The following BMPR1B variants were observed in gnomAD, a reference collection of about 807,000 sequenced individuals.
BMPR1B encodes the protein bone morphogenetic protein receptor type 1B, also known as bone morphogenetic protein receptor type-1B.
Under a neutral mutation model 59.1 loss-of-function variants are expected in BMPR1B, and 12 were observed. The ratio of observed to expected loss-of-function variants is 0.20; its 90% confidence interval spans 0.13 to 0.33. The LOEUF (loss-of-function observed/expected upper bound fraction) is 0.33, where lower values mean the gene tolerates loss of function less well. BMPR1B is among the 10% of genes least tolerant of loss of function. The pLI is 1.00. For missense variants in BMPR1B, 550 were observed against 610.9 expected (o/e 0.90, Z 1.05); for synonymous variants, 237 against 207.3 (o/e 1.14, Z -1.23).
At chr4:94,982,314 C>A (rs1336916915) in intron 2 of BMPR1B, among the ~76,000 whole-genome samples, 2 of 149,710 alleles carry the variant, frequency 1.3e-5, no homozygotes, top group Admixed American at 6.7e-5. Context: ...TAAAAAAAAA[C>A]AAAACAAACA....
At chr4:94,776,164 TTTG>T (rs1434311049) in intron 1 of BMPR1B, among the ~76,000 whole-genome samples, 2 of 152,066 alleles carry the variant, frequency 1.3e-5, no homozygotes, top group East Asian at 1.9e-4. Flanking sequence ...TTTTGAAATT[TTTG>T]TTGTTGTTTC....
At chr4:94,953,156 C>T (rs1730012346) in intron 2 of BMPR1B, among the ~76,000 whole-genome samples, 1 of 152,048 alleles carries the variant, frequency 6.6e-6, no homozygotes, top group Non-Finnish European at 1.5e-5. Flanking sequence ...ATGTGTGTCT[C>T]TGCACGTGAG....
At chr4:94,989,422 A>G (rs1018503528) in intron 2 of BMPR1B, among the ~76,000 whole-genome samples, 2 of 151,486 alleles carry the variant, frequency 1.3e-5, no homozygotes, top group South Asian at 2.1e-4. Context: ...ATCATTCACT[A>G]CTTAGCTTCT....
In BMPR1B at chr4:95,033,359, C is replaced by T. The variant is rs186844697; in HGVS notation, c.-18+37225C>T. ...TTTTGGTGTTATATCCAAGAAATCACTGTCAAGTGCAATGTCATGAAGCTT... is the reference window on the plus strand; with the variant it reads ...TTTTGGTGTTATATCCAAGAAATCATTGTCAAGTGCAATGTCATGAAGCTT... On this transcript the variant is annotated intron_variant, in intron 3 of 12. Transcript: ENST00000515059. 2.6e-5 allele frequency among the ~76,000 whole-genome samples: 4 copies of T among 151,706 alleles called. No individual in the cohort carries two copies. In the East Asian group the frequency reaches 5.8e-4, roughly 22 times the overall value.
chr4:94,760,297 C>T (rs62316512), intron 1 of BMPR1B, among the ~76,000 whole-genome samples: 85,839 of 151,926 alleles, frequency 0.57, 24,732 homozygotes, highest in East Asian at 0.65. Context: ...CGTGCTGCCA[C>T]GGCCTGCTTA....
chr4:94,808,362 A>G (rs992775719), intron 1 of BMPR1B, among the ~76,000 whole-genome samples: 1 of 152,174 alleles, frequency 6.6e-6, no homozygotes, highest in African/African-American at 2.4e-5. Flanking sequence ...CATAATTATT[A>G]TATTACTATT....
At chr4:94,874,739 C>G (rs1031346647) in intron 1 of BMPR1B, among the ~76,000 whole-genome samples, 1 of 152,098 alleles carries the variant, frequency 6.6e-6, no homozygotes, top group African/African-American at 2.4e-5. Flanking sequence ...TGTCTGTAAT[C>G]CCAGGACTTT....
intron 4 of BMPR1B, among the ~76,000 whole-genome samples, chr4:95,114,416 G>A (rs1284098999): frequency 2.6e-5 from 4 of 152,050 alleles, no homozygotes; most frequent in African/African-American, 9.7e-5. Context: ...TAAGTGTTCA[G>A]TAATTGGTAT....
At chr4:94,825,162 G>GT (rs1383437985) in intron 1 of BMPR1B, among the ~76,000 whole-genome samples, 7 of 151,892 alleles carry the variant, frequency 4.6e-5, no homozygotes, top group Non-Finnish European at 1.0e-4. Flanking sequence ...GACATTCTGT[G>GT]GTGGCCCCAT....
intron 3 of BMPR1B, among the ~76,000 whole-genome samples, chr4:95,047,630 G>C (rs1726147147): frequency 6.6e-6 from 1 of 152,112 alleles, no homozygotes; most frequent in Non-Finnish European, 1.5e-5. Flanking sequence ...TTGGAAGCAA[G>C]TCACTAAGCA....
intron 3 of BMPR1B, among the ~76,000 whole-genome samples, chr4:95,069,323 C>T (rs1402140441): frequency 6.6e-6 from 1 of 152,168 alleles, no homozygotes; most frequent in African/African-American, 2.4e-5. Flanking sequence ...CAGAAAGGCC[C>T]ATGAAGATCT....
At chr4:94,867,384 A>C (rs1726290594) in intron 1 of BMPR1B, among the ~76,000 whole-genome samples, 1 of 152,242 alleles carries the variant, frequency 6.6e-6, no homozygotes, top group Non-Finnish European at 1.5e-5. Flanking sequence ...ATTACCGATA[A>C]GAGGCATCTT....
At chr4:95,134,549 T>A (rs964470535) in intron 10 of BMPR1B, among the ~76,000 whole-genome samples, 2 of 152,244 alleles carry the variant, frequency 1.3e-5, no homozygotes, top group East Asian at 1.9e-4. Context: ...GACTTTTTAA[T>A]GATCACCATT....
intron 1 of BMPR1B, among the ~76,000 whole-genome samples, chr4:94,857,100 G>T (rs761285557): frequency 7.9e-5 from 12 of 151,780 alleles, no homozygotes; most frequent in Non-Finnish European, 1.6e-4. Context: ...GAAGGATCAA[G>T]AAATGAAAAG....
At chr4:94,776,020 G>A (rs1304874308) in intron 1 of BMPR1B, among the ~76,000 whole-genome samples, 1 of 151,792 alleles carries the variant, frequency 6.6e-6, no homozygotes, top group African/African-American at 2.4e-5. Flanking sequence ...GAACCTGGGA[G>A]GTGGGGCTTG....
chr4:94,988,656 A>T (rs1721554263), intron 2 of BMPR1B, among the ~76,000 whole-genome samples: 1 of 152,172 alleles, frequency 6.6e-6, no homozygotes, highest in African/African-American at 2.4e-5. Context: ...CTGAGCAGCC[A>T]ATACTTCTCA....
chr4:95,150,436 C>G (rs1231695364), intron 11 of BMPR1B, among the ~76,000 whole-genome samples: 1 of 140,890 alleles, frequency 7.1e-6, no homozygotes, highest in Admixed American at 7.6e-5. Context: ...AGATTGGGAC[C>G]CAGTCTGTAT....
chr4:95,056,354 G>A (rs769081954), intron 3 of BMPR1B, among the ~76,000 whole-genome samples: 3 of 151,940 alleles, frequency 2.0e-5, no homozygotes, highest in Non-Finnish European at 4.4e-5. Flanking sequence ...ATATCTTTCC[G>A]GATTAACTGA....
At chr4:95,063,711 G>A (rs1727585511) in intron 3 of BMPR1B, among the ~76,000 whole-genome samples, 1 of 152,080 alleles carries the variant, frequency 6.6e-6, no homozygotes. Flanking sequence ...ACAAACTACA[G>A]ACAGGCAAAA....
Sources: gnomAD v4.1 joint callset for allele counts (sites outside exome capture counted in the v4.1 genomes callset) on GRCh38, gnomAD v4.1.1 for gene constraint, MANE v1.5 for transcripts, NCBI Gene and HGNC (gene_info 2026-07-23, HGNC 2026-07-21) for gene names.